Variants in SYT1 observed in about 807,000 individuals in gnomAD.
SYT1 encodes synaptotagmin-1.
SYT1 carries 8 observed loss-of-function variants against 44.8 expected under a neutral mutation model. That is an observed-to-expected ratio of 0.18 (90% CI 0.10 to 0.32). The LOEUF (loss-of-function observed/expected upper bound fraction) is 0.32. SYT1 is among the 10% of genes least tolerant of loss of function. SYT1 has a pLI of 1.00. For missense variants in SYT1, 286 were observed against 509.3 expected (o/e 0.56, Z 4.22); for synonymous variants, 154 against 188.8 (o/e 0.82, Z 1.51).
intron 9 of SYT1, among the ~76,000 whole-genome samples, chr12:79,373,142 C>T (rs533818041): frequency 2.4e-4 from 36 of 152,082 alleles, no homozygotes; most frequent in African/African-American, 8.2e-4. Context: ...TATTGGTAAA[C>T]CAGATAAATA....
chr12:79,381,579 A>C (rs1245770), intron 9 of SYT1, among the ~76,000 whole-genome samples: 68,785 of 152,018 alleles, frequency 0.45, 18,724 homozygotes, highest in African/African-American at 0.77. Flanking sequence ...TACTACTTTT[A>C]CCTGTAGAGA....
At chr12:78,936,709 A>AGG (rs1207749595) in intron 1 of SYT1, among the ~76,000 whole-genome samples, 4 of 152,186 alleles carry the variant, frequency 2.6e-5, no homozygotes, top group Non-Finnish European at 5.9e-5. Flanking sequence ...ACTTTATTCA[A>AGG]GACTATTGCA....
At chr12:79,194,132 A>G (rs1005479245) in intron 3 of SYT1, among the ~76,000 whole-genome samples, 2 of 152,196 alleles carry the variant, frequency 1.3e-5, no homozygotes, top group African/African-American at 4.8e-5. Context: ...AACTTTTGCA[A>G]ATAGGCCTAC....
chr12:79,154,580 T>C (rs73150222), intron 3 of SYT1, among the ~76,000 whole-genome samples: 4,324 of 152,160 alleles, frequency 0.028, 102 homozygotes, highest in Middle Eastern at 0.061. Context: ...AAACATTGAA[T>C]TCAATGATTA....
intron 1 of SYT1, among the ~76,000 whole-genome samples, chr12:78,943,427 G>T (rs1565729618): frequency 6.6e-6 from 1 of 152,140 alleles, no homozygotes. Flanking sequence ...GAGGTGAGGG[G>T]CAAGGGAGGT....
intron 3 of SYT1, among the ~76,000 whole-genome samples, chr12:79,064,973 A>AAAGG (rs1875707597): frequency 6.8e-6 from 1 of 148,110 alleles, no homozygotes; most frequent in East Asian, 2.0e-4. Flanking sequence ...AGAAAGAAAG[A>AAAGG]AAGAAAGAAA....
At chr12:79,155,963 A>G (rs1055428442) in intron 3 of SYT1, among the ~76,000 whole-genome samples, 1 of 152,208 alleles carries the variant, frequency 6.6e-6, no homozygotes, top group Non-Finnish European at 1.5e-5. Context: ...GTGTGGAGCA[A>G]ATTACTAAAT....
At chr12:79,092,593 C>G (rs926471683) in intron 3 of SYT1, among the ~76,000 whole-genome samples, 3 of 151,638 alleles carry the variant, frequency 2.0e-5, no homozygotes, top group Non-Finnish European at 4.4e-5. Context: ...TCTTTCATTG[C>G]TTTAGTCCCA....
At chr12:78,882,516 A>G (rs1874513709) in intron 1 of SYT1, among the ~76,000 whole-genome samples, 1 of 151,730 alleles carries the variant, frequency 6.6e-6, no homozygotes, top group Non-Finnish European at 1.5e-5. Flanking sequence ...CAGTTTTTTC[A>G]TATTATAGTA....
chr12:79,265,322 G>T (rs1878065074), intron 4 of SYT1, among the ~76,000 whole-genome samples: 1 of 152,038 alleles, frequency 6.6e-6, no homozygotes, highest in Non-Finnish European at 1.5e-5. Flanking sequence ...AATTTAAGTG[G>T]CAAAGCTAGG....
At chr12:78,878,666 G>A (rs1343774727) in intron 1 of SYT1, among the ~76,000 whole-genome samples, 1 of 151,696 alleles carries the variant, frequency 6.6e-6, no homozygotes, top group African/African-American at 2.4e-5. Context: ...AAACCATAAG[G>A]AAGTAATGAT....
intron 3 of SYT1, among the ~76,000 whole-genome samples, chr12:79,109,807 G>T (rs1878915276): frequency 6.6e-6 from 1 of 151,954 alleles, no homozygotes; most frequent in Admixed American, 6.6e-5. Flanking sequence ...GTGTTTTATT[G>T]CAGACTAACC....
intron 1 of SYT1, among the ~76,000 whole-genome samples, chr12:78,891,824 G>C (rs573192329): frequency 1.3e-5 from 2 of 151,810 alleles, no homozygotes; most frequent in East Asian, 2.0e-4. Flanking sequence ...CTAAGTAATG[G>C]GTGGCAAAAT....
At chr12:78,984,588 A>G (rs950321589) in intron 2 of SYT1, among the ~76,000 whole-genome samples, 2 of 152,022 alleles carry the variant, frequency 1.3e-5, no homozygotes, top group Non-Finnish European at 2.9e-5. Flanking sequence ...AAAATTACAA[A>G]TTAGTTTAGA....
At position 79,206,142 on chromosome 12, in the gene SYT1, AAAAC is replaced by A. The variant is rs201072185; in HGVS notation, c.-17-11357_-17-11354del. Among the ~76,000 whole-genome samples the A allele has an allele frequency of 3.3e-3, 500 of 152,336 alleles. 3 individuals carry two copies. Among genetic ancestry groups the A allele is most frequent in the African/African-American group, 0.011 (477 of 41,580 alleles). On this transcript the variant is annotated intron_variant, in intron 3 of 10. Coordinates refer to ENST00000261205, the MANE Select transcript of SYT1 (RefSeq NM_005639.3). ...TTTTGTCACTCTTGTGCACACAAAA[AAAAC>A]AAAAATAAAAGCAAAATAAATTGGT... is the stretch of plus-strand genomic sequence containing the variant.
intron 10 of SYT1, among the ~76,000 whole-genome samples, chr12:79,447,607 A>C (rs181102554): frequency 1.9e-4 from 29 of 152,294 alleles, no homozygotes; most frequent in South Asian, 2.1e-4. Flanking sequence ...CATTCATTAC[A>C]ATATGATTGC....
intron 2 of SYT1, among the ~76,000 whole-genome samples, chr12:78,989,227 A>G (rs951920219): frequency 3.3e-5 from 5 of 152,124 alleles, no homozygotes; most frequent in African/African-American, 1.2e-4. Context: ...GGCAGTTAAA[A>G]TATAGGAGGC....
chr12:78,886,892 T>G (rs1468321639), intron 1 of SYT1, among the ~76,000 whole-genome samples: 1 of 152,000 alleles, frequency 6.6e-6, no homozygotes, highest in Non-Finnish European at 1.5e-5. Context: ...TGATCTATAT[T>G]TAGGCATGAG....
intron 2 of SYT1, among the ~76,000 whole-genome samples, chr12:79,033,623 G>GTA (rs1282712364): frequency 1.3e-5 from 2 of 151,280 alleles, no homozygotes; most frequent in African/African-American, 4.8e-5. Flanking sequence ...GGGGGATCTA[G>GTA]AGTCTAGTAT....
Sources: allele counts gnomAD v4.1 joint callset (sites outside exome capture counted in the v4.1 genomes callset), GRCh38; gene constraint gnomAD v4.1.1; transcripts MANE v1.5; gene names NCBI Gene and HGNC (gene_info 2026-07-23, HGNC 2026-07-21).